The following QTMAN variants were observed in gnomAD, a reference collection of about 807,000 sequenced individuals.
QTMAN encodes queuosine-tRNA mannosyltransferase.
At chr2:144,258,232 C>G in the QTMAN span, among the ~76,000 whole-genome samples, 8 of 127,538 alleles carry the variant, frequency 6.3e-5, no homozygotes, top group African/African-American at 2.8e-4. Flanking sequence ...AAAAAAAAAA[C>G]AAAAACAAAA....
chr2:144,137,771 T>A, the QTMAN span, among the ~76,000 whole-genome samples: 90 of 152,154 alleles, frequency 5.9e-4, no homozygotes, highest in Middle Eastern at 6.8e-3. Context: ...GAGAGAGATC[T>A]CATCCAGACC....
the QTMAN span, among the ~76,000 whole-genome samples, chr2:144,202,902 T>A: frequency 6.6e-6 from 1 of 152,194 alleles, no homozygotes; most frequent in Non-Finnish European, 1.5e-5. Flanking sequence ...ACTGAAGCGC[T>A]TAACTCCTGG....
At chr2:144,317,581 A>C in the QTMAN span, 1 of 152,204 alleles carries the variant, frequency 6.6e-6, no homozygotes, top group Non-Finnish European at 1.5e-5. Flanking sequence ...GGTCCTTTGT[A>C]AAAAACACTG....
At chr2:144,184,980 T>TA in the QTMAN span, among the ~76,000 whole-genome samples, 2 of 152,098 alleles carry the variant, frequency 1.3e-5, no homozygotes, top group Non-Finnish European at 2.9e-5. Flanking sequence ...TTTTCAACTG[T>TA]AAAAAAGGTG....
chr2:144,225,189 T>C, the QTMAN span, among the ~76,000 whole-genome samples: 3 of 152,226 alleles, frequency 2.0e-5, no homozygotes, highest in Non-Finnish European at 4.4e-5. Flanking sequence ...AAGCACCTTC[T>C]ACTGGGAGCC....
At chr2:144,234,851 G>C in the QTMAN span, among the ~76,000 whole-genome samples, 1 of 152,096 alleles carries the variant, frequency 6.6e-6, no homozygotes, top group Non-Finnish European at 1.5e-5. Context: ...TGAGAACATG[G>C]GGAAGGAATC....
At chr2:144,075,575 A>C in the QTMAN span, among the ~76,000 whole-genome samples, 1 of 152,358 alleles carries the variant, frequency 6.6e-6, no homozygotes, top group African/African-American at 2.4e-5. Flanking sequence ...GCCCTTACAA[A>C]GAAGTAGTGA....
the QTMAN span, among the ~76,000 whole-genome samples, chr2:143,983,342 T>C: frequency 6.6e-6 from 1 of 152,166 alleles, no homozygotes. Flanking sequence ...TTATTCTTCA[T>C]TTACTGAATT....
chr2:144,008,758 CAAAG>C, the QTMAN span, among the ~76,000 whole-genome samples: 1 of 152,034 alleles, frequency 6.6e-6, no homozygotes, highest in Admixed American at 6.6e-5. Context: ...CAAGAACCCT[CAAAG>C]AACGTGTAAA....
chr2:144,011,496 C>T, the QTMAN span, among the ~76,000 whole-genome samples: 1 of 151,894 alleles, frequency 6.6e-6, no homozygotes, highest in East Asian at 1.9e-4. Flanking sequence ...CACATCAATA[C>T]CAAGATCAAA....
chr2:144,097,329 T>A, the QTMAN span, among the ~76,000 whole-genome samples: 2 of 152,348 alleles, frequency 1.3e-5, no homozygotes, highest in Non-Finnish European at 2.9e-5. Flanking sequence ...CAGATTCTCT[T>A]CACTTGACCT....
At chr2:144,174,245 T>C in the QTMAN span, among the ~76,000 whole-genome samples, 1 of 152,098 alleles carries the variant, frequency 6.6e-6, no homozygotes, top group East Asian at 1.9e-4. Flanking sequence ...CCCAGATGCT[T>C]ACCTCCATCT....
At chr2:144,012,520 G>A in the QTMAN span, among the ~76,000 whole-genome samples, 2 of 152,108 alleles carry the variant, frequency 1.3e-5, no homozygotes, top group Non-Finnish European at 2.9e-5. Context: ...CAGGCAATAA[G>A]GTTAACACAA....
At chr2:144,137,192 A>C in the QTMAN span, among the ~76,000 whole-genome samples, 2 of 152,146 alleles carry the variant, frequency 1.3e-5, no homozygotes, top group African/African-American at 4.8e-5. Context: ...ACTTCTGCCA[A>C]AAGTGGATTA....
the QTMAN span, among the ~76,000 whole-genome samples, chr2:144,175,633 A>G: frequency 6.6e-6 from 1 of 151,912 alleles, no homozygotes; most frequent in Non-Finnish European, 1.5e-5. Context: ...ATAGAGAGAT[A>G]TTTATCTGTA....
At chr2:144,104,557 G>A in the QTMAN span, among the ~76,000 whole-genome samples, 4 of 152,198 alleles carry the variant, frequency 2.6e-5, no homozygotes, top group Non-Finnish European at 2.9e-5. Flanking sequence ...GTGAGGCTGG[G>A]GGAGGGGCGC....
the QTMAN span, among the ~76,000 whole-genome samples, chr2:144,066,922 G>C: frequency 6.6e-6 from 1 of 152,148 alleles, no homozygotes; most frequent in Non-Finnish European, 1.5e-5. Flanking sequence ...TATCCTTCAA[G>C]TTGCTCAGGC....
At chr2:144,018,541 C>T in the QTMAN span, among the ~76,000 whole-genome samples, 1 of 152,134 alleles carries the variant, frequency 6.6e-6, no homozygotes, top group African/African-American at 2.4e-5. Flanking sequence ...AGCTTTTCTA[C>T]ACATTTTAGT....
At chr2:144,261,949 C>G in the QTMAN span, among the ~76,000 whole-genome samples, 1 of 152,036 alleles carries the variant, frequency 6.6e-6, no homozygotes, top group African/African-American at 2.4e-5. Flanking sequence ...AACTTTGATA[C>G]AAGCATATCC....
Sources: gnomAD v4.1 joint callset for allele counts (sites outside exome capture counted in the v4.1 genomes callset) on GRCh38, gnomAD v4.1.1 for gene constraint, MANE v1.5 for transcripts, NCBI Gene and HGNC (gene_info 2026-07-23, HGNC 2026-07-21) for gene names.